BPTF: variants seen among roughly 807,000 people sequenced by gnomAD.
The protein encoded by BPTF is nucleosome-remodeling factor subunit BPTF.
A neutral mutation model predicts 292.5 loss-of-function variants in BPTF; 18 were observed. That is an observed-to-expected ratio of 0.06 (90% CI 0.04 to 0.09). The LOEUF is 0.09. BPTF is among the 10% of genes least tolerant of loss of function. The pLI is 1.00. For synonymous variants in BPTF, 1,225 were observed against 1,251.9 expected, an observed-to-expected ratio of 0.98 and a Z score of 0.45; for missense variants, 2,726 against 3,498.7, an observed-to-expected ratio of 0.78 and a Z score of 5.57.
chr17:67,973,605 TC>T (rs1555692203), intron 26 of BPTF, among the ~76,000 whole-genome samples: 1 of 151,918 alleles, frequency 6.6e-6, no homozygotes, highest in Non-Finnish European at 1.5e-5. Context: ...CCTCCTGGGT[TC>T]AAGGGATTCT....
chr17:67,881,851 GGTTTTTGTTTT>G (rs2060428901), intron 4 of BPTF, among the ~76,000 whole-genome samples: 1 of 36,964 alleles, frequency 2.7e-5, no homozygotes, highest in African/African-American at 9.0e-5. Context: ...GGGGATTTTG[GGTTTTTGTTTT>G]TTTTTTTTTT....
chr17:67,846,229 C>T (rs1244927683), intron 1 of BPTF, among the ~76,000 whole-genome samples: 1 of 152,202 alleles, frequency 6.6e-6, no homozygotes, highest in Non-Finnish European at 1.5e-5. Flanking sequence ...GTGGCTCACA[C>T]CTGTAATTCC....
chr17:67,933,465 A>G (rs147763269), intron 18 of BPTF, among the ~76,000 whole-genome samples: 2,472 of 152,092 alleles, frequency 0.016, 63 homozygotes, highest in African/African-American at 0.052. Context: ...GCTACTTGGT[A>G]GGCTGAGATG....
chr17:67,981,437 T>TA (rs1568244080), intron 27 of BPTF: 2 of 1,219,994 alleles, frequency 1.6e-6, no homozygotes, highest in Non-Finnish European at 2.1e-6. Context: ...TTCTTACAGA[T>TA]TGTGATATCT....
intron 1 of BPTF, among the ~76,000 whole-genome samples, chr17:67,835,605 G>C (rs2057060806): frequency 6.8e-6 from 1 of 147,276 alleles, no homozygotes; most frequent in African/African-American, 2.4e-5. Flanking sequence ...TGTTGTCCTT[G>C]GTGGTAGGGT....
chr17:67,931,354 T>C (rs948274627), intron 17 of BPTF, among the ~76,000 whole-genome samples: 4 of 152,210 alleles, frequency 2.6e-5, no homozygotes, highest in Non-Finnish European at 5.9e-5. Flanking sequence ...TCACCCATAG[T>C]CCTAGCTTCT....
intron 2 of BPTF, among the ~76,000 whole-genome samples, chr17:67,857,980 G>A (rs2058819419): frequency 6.6e-6 from 1 of 151,074 alleles, no homozygotes; most frequent in Admixed American, 6.6e-5. Flanking sequence ...TAGAGATGGG[G>A]TTTCACCATA....
intron 1 of BPTF, among the ~76,000 whole-genome samples, chr17:67,838,403 A>C (rs1318358174): frequency 6.6e-6 from 1 of 152,250 alleles, no homozygotes; most frequent in Non-Finnish European, 1.5e-5. Context: ...GTAATGTAGA[A>C]CATTTAGAAA....
At chr17:67,926,112 A>G (rs1198964787) in intron 15 of BPTF, among the ~76,000 whole-genome samples, 1 of 144,706 alleles carries the variant, frequency 6.9e-6, no homozygotes, top group Non-Finnish European at 1.5e-5. Flanking sequence ...GGCTCAAGCA[A>G]TCTACCCACC....
At chr17:67,886,451 G>C (rs1324525841) in intron 4 of BPTF, 3 of 552,404 alleles carry the variant, frequency 5.4e-6, no homozygotes, top group Non-Finnish European at 9.0e-6. Context: ...GTTTGGTGGG[G>C]GGTGGAATTT....
chr17:67,968,509 T>C (rs904463616), intron 26 of BPTF, among the ~76,000 whole-genome samples: 8 of 151,560 alleles, frequency 5.3e-5, no homozygotes, highest in African/African-American at 2.0e-4. Context: ...TCAGGTGCGG[T>C]GGCTCACGCC....
intron 2 of BPTF, among the ~76,000 whole-genome samples, chr17:67,862,694 A>C (rs1442680663): frequency 2.0e-5 from 3 of 152,130 alleles, no homozygotes; most frequent in Non-Finnish European, 4.4e-5. Context: ...GTACTATAAA[A>C]CTGGGTAGTT....
chr17:67,827,643 CAGAG>C (rs1357874315), intron 1 of BPTF, among the ~76,000 whole-genome samples: 4 of 151,990 alleles, frequency 2.6e-5, no homozygotes. Flanking sequence ...ATGTCTTTCT[CAGAG>C]AGACTAGGGT....
At chr17:67,844,907 C>T (rs2057918287) in intron 1 of BPTF, among the ~76,000 whole-genome samples, 1 of 152,128 alleles carries the variant, frequency 6.6e-6, no homozygotes, top group African/African-American at 2.4e-5. Flanking sequence ...CCACGCCTGG[C>T]TAATTTTGTA....
intron 27 of BPTF, among the ~76,000 whole-genome samples, chr17:67,981,181 A>G (rs1224667178): frequency 1.3e-5 from 2 of 152,152 alleles, no homozygotes. Context: ...AACAAAACAA[A>G]ATTACAATGT....
intron 1 of BPTF, among the ~76,000 whole-genome samples, chr17:67,843,488 A>G (rs1042740814): frequency 6.7e-6 from 1 of 149,492 alleles, no homozygotes; most frequent in Non-Finnish European, 1.5e-5. Context: ...TTATAGGCGT[A>G]CCTGGCCTTA....
chr17:67,842,893 A>G (rs1208517131), intron 1 of BPTF, among the ~76,000 whole-genome samples: 1 of 151,064 alleles, frequency 6.6e-6, no homozygotes, highest in Non-Finnish European at 1.5e-5. Context: ...GTTCTGCTGT[A>G]AAATAAATAT....
intron 7 of BPTF, among the ~76,000 whole-genome samples, chr17:67,901,592 C>A (rs2061846140): frequency 6.6e-6 from 1 of 152,004 alleles, no homozygotes; most frequent in African/African-American, 2.4e-5. Flanking sequence ...TAGTCTAATA[C>A]AAACAAGACA....
At chr17:67,924,387 T>C (rs1473390263) in intron 14 of BPTF, among the ~76,000 whole-genome samples, 160 bp from the exon 15 acceptor site, 2 of 152,242 alleles carry the variant, frequency 1.3e-5, no homozygotes, top group Non-Finnish European at 2.9e-5. Flanking sequence ...AGTGCTGGGA[T>C]TACAGGCATG....
Sources: allele counts gnomAD v4.1 joint callset (sites outside exome capture counted in the v4.1 genomes callset), GRCh38; gene constraint gnomAD v4.1.1; transcripts MANE v1.5; gene names NCBI Gene and HGNC (gene_info 2026-07-23, HGNC 2026-07-21).